Variants in KRTAP10-9 observed in about 807,000 individuals in gnomAD.
KRTAP10-9 encodes the protein keratin-associated protein 10-9.
A neutral mutation model predicts 0.5 loss-of-function variants in KRTAP10-9; 1 was observed. The ratio of observed to expected loss-of-function variants is 1.92; its 90% confidence interval spans 0.68 to 9.09. The LOEUF (loss-of-function observed/expected upper bound fraction) is 9.09. Ranked by LOEUF, KRTAP10-9 falls within the 30% of genes most tolerant of loss-of-function variation. The pLI is 0.13. For missense variants in KRTAP10-9, 391 were observed against 376.4 expected, an observed-to-expected ratio of 1.04 and a Z score of -0.32; for synonymous variants, 199 against 159.8, an observed-to-expected ratio of 1.25 and a Z score of -1.85.
rs1555934846 is a variant in KRTAP10-9, at chr21:44,627,815, G to A, written c.644G>A (p.Cys215Tyr). Residue 215 changes from cysteine (C) to tyrosine (Y), a missense_variant, in exon 1 of 1, where the codon TGC (cysteine) becomes TAC (tyrosine). Cys to Tyr is a radical substitution (Grantham distance 194). Coordinates refer to ENST00000397911, the MANE Select transcript of KRTAP10-9 (RefSeq NM_198690.3). Reference protein sequence around the residue: ...ASSLCCQQSGCQPACCTTSCC... With the variant: ...ASSLCCQQSGYQPACCTTSCC... ...TCTTTGTGCTGCCAGCAGTCTGGCT[G>A]CCAGCCGGCTTGCTGCACCACCTCC... 6.2e-7 allele frequency: 1 copy of A among 1,611,046 alleles called. No individual in the cohort carries two copies. The highest frequency in any genetic ancestry group is 1.3e-5 in the African/African-American group (1 of 74,794).
In KRTAP10-9 at chr21:44,627,921, C is replaced by T. The variant is rs781984837; in HGVS notation, c.750C>T (p.Cys250=). 2.2e-5 allele frequency: 33 copies of T among 1,520,060 alleles called. 1 individual carries two copies. The East Asian group carries it at 5.3e-4, about 24-fold the overall frequency. The allele number at this position is 1,520,060 out of a possible 1,614,324, so 94.2% of individuals were successfully genotyped here. The change falls in exon 1 of 1, where the codon TGC becomes TGT. Residue 250 remains cysteine, a synonymous_variant. Transcript: ENST00000397911. ...RPACCVPVSS[C]CAPTSSRQPS... is the part of the protein sequence containing the mutation. ...CCTGCTGCGTGCCCGTCTCCTCCTG[C>T]TGTGCCCCCACCTCCTCCCGCCAGC... is the stretch of plus-strand genomic sequence containing the variant.
Position 44,627,108 on chromosome 21 carries a change from C to T in KRTAP10-9, c.-64C>T, listed in dbSNP as rs937417455. The T allele has an allele frequency of 1.9e-6, 3 of 1,575,612 alleles. No individual in the cohort carries two copies. Among genetic ancestry groups the T allele is most frequent in the South Asian group, 2.4e-5 (2 of 83,908 alleles). ...CAAGAACCTCACACACTCACAAACT[C>T]ACTCACTGACACACTCACACACTCA... On this transcript the variant is annotated 5_prime_UTR_variant, in exon 1 of 1. Coordinates refer to ENST00000397911, the MANE Select transcript of KRTAP10-9 (RefSeq NM_198690.3).
In KRTAP10-9 at chr21:44,627,887, G is replaced by T; in HGVS notation, c.716G>T (p.Cys239Phe). The T allele has an allele frequency of 6.2e-7, 1 of 1,612,978 alleles. No individual in the cohort carries two copies. Among genetic ancestry groups the T allele is most frequent in the Middle Eastern group, 1.7e-4 (1 of 6,048 alleles). Residue 239 changes from cysteine to phenylalanine, a missense_variant, in exon 1 of 1, where the codon TGC becomes TTC. Cys to Phe is a radical substitution (Grantham distance 205). Coordinates refer to ENST00000397911, the MANE Select transcript of KRTAP10-9 (RefSeq NM_198690.3). ...GTGTCCCTCCTCTGCCGCCCTGTGT[G>T]CAGGCCCGCCTGCTGCGTGCCCGTC... ...SSVSLLCRPV[C>F]RPACCVPVSS...
In KRTAP10-9 at chr21:44,627,296, G is replaced by C. The variant is rs368290603; in HGVS notation, c.125G>C (p.Cys42Ser). The change falls in exon 1 of 1, where the codon TGC becomes TCC. Residue 42 changes from cysteine (C) to serine (S), a missense_variant. Transcript: ENST00000397911. ...CATSCCAPAP[C>S]LTLVCTPVSR... Reference sequence around the variant, plus strand: ...ACCAGCTGCTGCGCCCCGGCCCCCTGCCTGACCCTGGTCTGCACCCCAGTG... The same window carrying C: ...ACCAGCTGCTGCGCCCCGGCCCCCTCCCTGACCCTGGTCTGCACCCCAGTG... The C allele has an allele frequency of 2.7e-5, 43 of 1,612,478 alleles. No homozygotes were observed. Among genetic ancestry groups the C allele is most frequent in the East Asian group, 2.0e-4 (9 of 44,880 alleles).
In KRTAP10-9 at chr21:44,628,204, C is replaced by T. The variant is rs2146204909; in HGVS notation, c.*154C>T. On this transcript the variant is annotated 3_prime_UTR_variant, in exon 1 of 1. Transcript: ENST00000397911. ...CGGGGTCTCAGATGCTCACTGGCTC[C>T]TCCCTGACCTCCCCCCCGGGCAGGC... 8.4e-6 allele frequency: 7 copies of T among 836,914 alleles called. No individual in the cohort carries two copies. Among genetic ancestry groups the T allele is most frequent in the East Asian group, 8.2e-5 (3 of 36,564 alleles). 51.8% of individuals were successfully genotyped at this position (836,914 alleles called of 1,614,324 possible).
Position 44,627,520 on chromosome 21 carries a change from G to A in KRTAP10-9, c.349G>A (p.Ala117Thr). 6.5e-7 allele frequency: 1 copy of A among 1,534,620 alleles called. No homozygotes were observed. The highest frequency in any genetic ancestry group is 8.8e-7 in the Non-Finnish European group (1 of 1,140,232). ...PVCCVPVCCGASSCCQQSSYQ... is the reference protein window; with the variant it reads ...PVCCVPVCCGTSSCCQQSSYQ... Reference sequence around the variant, plus strand: ...GTGCTGCGTGCCCGTCTGCTGTGGGGCTTCTTCGTGCTGCCAACAGTCTAG... The same window carrying A: ...GTGCTGCGTGCCCGTCTGCTGTGGGACTTCTTCGTGCTGCCAACAGTCTAG... The change falls in exon 1 of 1, where the codon GCT becomes ACT. Residue 117 changes from alanine (A) to threonine (T), a missense_variant. Physicochemically the swap from Ala to Thr is moderately conservative, Grantham distance 58. Coordinates refer to ENST00000397911, the MANE Select transcript of KRTAP10-9 (RefSeq NM_198690.3).
In KRTAP10-9 at chr21:44,627,515, G is replaced by A. The variant is rs372313452; in HGVS notation, c.344G>A (p.Cys115Tyr). 2.7e-5 allele frequency: 42 copies of A among 1,532,546 alleles called. No homozygotes were observed. Among genetic ancestry groups the A allele is most frequent in the Non-Finnish European group, 3.6e-5 (41 of 1,139,334 alleles). 94.9% of individuals were successfully genotyped at this position (1,532,546 alleles called of 1,614,324 possible). A position where few individuals can be genotyped will look rare whatever the true frequency, so the allele number is the denominator to read the frequency against. The change falls in exon 1 of 1, where the codon TGT becomes TAT. Residue 115 changes from cysteine to tyrosine, a missense_variant. By Grantham distance (194) the Cys-to-Tyr change is radical (BLOSUM62 -2). Coordinates refer to ENST00000397911, the MANE Select transcript of KRTAP10-9 (RefSeq NM_198690.3). ...CCTGTGTGCTGCGTGCCCGTCTGCT[G>A]TGGGGCTTCTTCGTGCTGCCAACAG... is the stretch of plus-strand genomic sequence containing the variant. ...CKPVCCVPVC[C>Y]GASSCCQQSS...
chr21:44,627,443 C>G lies in KRTAP10-9; in HGVS notation c.272C>G (p.Thr91Ser). Residue 91 changes from threonine (T) to serine (S), a missense_variant, in exon 1 of 1, where the codon ACC becomes AGC. Coordinates refer to ENST00000397911, the MANE Select transcript of KRTAP10-9 (RefSeq NM_198690.3). ...QQSSCQPAYCTSSPCQQACCV... is the reference protein window; with the variant it reads ...QQSSCQPAYCSSSPCQQACCV... The stretch of plus-strand genomic sequence containing the variant: ...TCTAGCTGCCAGCCGGCTTACTGCA[C>G]CTCCTCCCCCTGCCAGCAGGCCTGC... The G allele has an allele frequency of 6.2e-7, 1 of 1,613,660 alleles. No homozygotes were observed.
chr21:44,627,793 T>C lies in KRTAP10-9; in HGVS notation c.622T>C (p.Leu208=), dbSNP rs8131142. The C allele has an allele frequency of 0.67, 1,081,629 of 1,613,712 alleles. 363,908 individuals are homozygous for C. Among genetic ancestry groups the C allele is most frequent in the Admixed American group, 0.72 (43,226 of 59,992 alleles). The stretch of plus-strand genomic sequence containing the variant: ...GCCTGTCTGCTCTGGGGCTTCCTCT[T>C]TGTGCTGCCAGCAGTCTGGCTGCCA... ...CVPVCSGASS[L]CCQQSGCQPA... is the part of the protein sequence containing the mutation. The change falls in exon 1 of 1, where the codon TTG becomes CTG. Residue 208 remains leucine, a synonymous_variant. Coordinates refer to ENST00000397911, the MANE Select transcript of KRTAP10-9 (RefSeq NM_198690.3).
At position 44,627,569 on chromosome 21, in the gene KRTAP10-9, C is replaced by T. The variant is rs781975592; in HGVS notation, c.398C>T (p.Ser133Phe). ...QSSYQPACCA[S>F]SSCQPACCVP... Reference sequence around the variant, plus strand: ...AGCTACCAGCCAGCTTGCTGTGCCTCTTCCTCCTGCCAGCCGGCCTGCTGT... The same window carrying T: ...AGCTACCAGCCAGCTTGCTGTGCCTTTTCCTCCTGCCAGCCGGCCTGCTGT... Residue 133 changes from serine (S) to phenylalanine (F), a missense_variant, in exon 1 of 1, where the codon TCT becomes TTT. Ser to Phe is a radical substitution (Grantham distance 155). Coordinates refer to ENST00000397911, the MANE Select transcript of KRTAP10-9 (RefSeq NM_198690.3). 17 of 1,613,350 alleles carry T rather than the reference C, an allele frequency of 1.1e-5. No individual in the cohort carries two copies. Among genetic ancestry groups the T allele is most frequent in the East Asian group, 2.2e-5 (1 of 44,870 alleles).
rs1165799895 is a variant in KRTAP10-9, at chr21:44,627,870, C to T, written c.699C>T (p.Leu233=). 2.5e-6 allele frequency: 4 copies of T among 1,613,618 alleles called. No homozygotes were observed. The highest frequency in any genetic ancestry group is 3.4e-6 in the Non-Finnish European group (4 of 1,179,726). Residue 233 remains leucine (L), a synonymous_variant, in exon 1 of 1, where the codon CTC becomes CTT. Coordinates refer to ENST00000397911, the MANE Select transcript of KRTAP10-9 (RefSeq NM_198690.3). ...GCAGACCCTCCTCCTCTGTGTCCCT[C>T]CTCTGCCGCCCTGTGTGCAGGCCCG... ...SCCRPSSSVS[L]LCRPVCRPAC...
rs1982936186 is a variant in KRTAP10-9 at position 44,627,683 on chromosome 21, C to T, written c.512C>T (p.Ala171Val). Residue 171 changes from alanine (A) to valine (V), a missense_variant, in exon 1 of 1, where the codon GCT becomes GTT. Coordinates refer to ENST00000397911, the MANE Select transcript of KRTAP10-9 (RefSeq NM_198690.3). ...SCCQQSSCQP[A>V]CCTSSPCQQS... Reference sequence around the variant, plus strand: ...TGCCAACAGTCTAGCTGCCAGCCAGCTTGCTGCACTTCCTCCCCCTGCCAG... The same window carrying T: ...TGCCAACAGTCTAGCTGCCAGCCAGTTTGCTGCACTTCCTCCCCCTGCCAG... 6.2e-7 allele frequency: 1 copy of T among 1,603,510 alleles called. No individual in the cohort carries two copies. Among genetic ancestry groups the T allele is most frequent in the Non-Finnish European group, 8.5e-7 (1 of 1,174,196 alleles).
chr21:44,628,052 G>C lies in KRTAP10-9; in HGVS notation c.*2G>C, dbSNP rs376402427. 6.2e-7 allele frequency: 1 copy of C among 1,610,038 alleles called. No homozygotes were observed. The highest frequency in any genetic ancestry group is 8.5e-7 in the Non-Finnish European group (1 of 1,177,632). Reference sequence around the variant, plus strand: ...TCAGGCCAGAAGTCCAGCTGCTGACGGTCATGTCCCCCAGGGCCAGCCGGG... The same window carrying C: ...TCAGGCCAGAAGTCCAGCTGCTGACCGTCATGTCCCCCAGGGCCAGCCGGG... On this transcript the variant is annotated 3_prime_UTR_variant, in exon 1 of 1. Transcript: ENST00000397911.
In KRTAP10-9 at chr21:44,627,213, C is replaced by A. The variant is rs757126820; in HGVS notation, c.42C>A (p.Ser14=). Residue 14 remains serine (S), a synonymous_variant, in exon 1 of 1, where the codon TCC becomes TCA. Coordinates refer to ENST00000397911, the MANE Select transcript of KRTAP10-9 (RefSeq NM_198690.3). ...TGTCCATCCGCTCCAGCGCTTACTC[C>A]GACTCCTGGCAGGTGGACGACTGCC... The part of the protein sequence containing the change: ...STMSIRSSAY[S]DSWQVDDCPE... 10 of 1,612,896 alleles carry A rather than the reference C, an allele frequency of 6.2e-6. No homozygotes were observed. The highest frequency in any genetic ancestry group is 1.7e-5 in the Admixed American group (1 of 60,004).
At position 44,627,835 on chromosome 21, in the gene KRTAP10-9, A is replaced by T. The variant is rs782233032; in HGVS notation, c.664A>T (p.Thr222Ser). 8.1e-6 allele frequency: 13 copies of T among 1,610,446 alleles called. No individual in the cohort carries two copies. Among genetic ancestry groups the T allele is most frequent in the South Asian group, 4.4e-5 (4 of 90,932 alleles). Reference protein sequence around the residue: ...QSGCQPACCTTSCCRPSSSVS... With the variant: ...QSGCQPACCTSSCCRPSSSVS... ...TGGCTGCCAGCCGGCTTGCTGCACC[A>T]CCTCCTGCTGCAGACCCTCCTCCTC... is the stretch of plus-strand genomic sequence containing the variant. Residue 222 changes from threonine (T) to serine (S), a missense_variant, in exon 1 of 1, where the codon ACC (threonine) becomes TCC (serine). Coordinates refer to ENST00000397911, the MANE Select transcript of KRTAP10-9 (RefSeq NM_198690.3).
Position 44,627,615 on chromosome 21 carries a change from T to C in KRTAP10-9, c.444T>C (p.Pro148=), listed in dbSNP as rs1479381263. The C allele has an allele frequency of 5.0e-6, 8 of 1,611,866 alleles. No individual in the cohort carries two copies. The Admixed American group carries it at 1.3e-4, about 27-fold the overall frequency. The change falls in exon 1 of 1, where the codon CCT becomes CCC. Residue 148 remains proline (P), a synonymous_variant. Transcript: ENST00000397911. ...GCTGTGTGCCCGTCTGCTGCAAACC[T>C]GTGTGCTGTGCGCCCACCTGCTCTG... is the stretch of plus-strand genomic sequence containing the variant. ...PACCVPVCCK[P]VCCAPTCSED...
Position 44,627,907 on chromosome 21 carries a change from C to A in KRTAP10-9, c.736C>A (p.Pro246Thr). The stretch of plus-strand genomic sequence containing the variant: ...TGTGTGCAGGCCCGCCTGCTGCGTG[C>A]CCGTCTCCTCCTGCTGTGCCCCCAC... ...RPVCRPACCV[P>T]VSSCCAPTSS... Residue 246 changes from proline (P) to threonine (T), a missense_variant, in exon 1 of 1, where the codon CCC becomes ACC. Pro to Thr is a conservative substitution (Grantham distance 38). Coordinates refer to ENST00000397911, the MANE Select transcript of KRTAP10-9 (RefSeq NM_198690.3). 1 of 1,520,568 alleles carries A rather than the reference C, an allele frequency of 6.6e-7. No homozygotes were observed. Among genetic ancestry groups the A allele is most frequent in the African/African-American group, 1.4e-5 (1 of 72,566 alleles). 94.2% of individuals were successfully genotyped at this position (1,520,568 alleles called of 1,614,324 possible). A position where few individuals can be genotyped will look rare whatever the true frequency, so the allele number is the denominator to read the frequency against.
chr21:44,627,221 G>A (rs1982861615), exon 1 of KRTAP10-9: 1 of 1,612,730 alleles, frequency 6.2e-7, no homozygotes, highest in Non-Finnish European at 8.5e-7. Flanking sequence ...TCCGACTCCT[G>A]GCAGGTGGAC....
rs1424867168 is a variant in KRTAP10-9, at chr21:44,627,871, C to T, written c.700C>T (p.Leu234Phe). The T allele has an allele frequency of 5.0e-6, 8 of 1,612,448 alleles. No homozygotes were observed. In the African/African-American group the frequency reaches 8.0e-5, roughly 16 times the overall value. Residue 234 changes from leucine (L) to phenylalanine (F), a missense_variant, in exon 1 of 1, where the codon CTC becomes TTC. By Grantham distance (22) the Leu-to-Phe change is conservative. Coordinates refer to ENST00000397911, the MANE Select transcript of KRTAP10-9 (RefSeq NM_198690.3). Reference protein sequence around the residue: ...CCRPSSSVSLLCRPVCRPACC... With the variant: ...CCRPSSSVSLFCRPVCRPACC... Reference sequence around the variant, plus strand: ...CAGACCCTCCTCCTCTGTGTCCCTCCTCTGCCGCCCTGTGTGCAGGCCCGC... The same window carrying T: ...CAGACCCTCCTCCTCTGTGTCCCTCTTCTGCCGCCCTGTGTGCAGGCCCGC...
Sources: gnomAD v4.1 joint callset for allele counts on GRCh38, gnomAD v4.1.1 for gene constraint, MANE v1.5 for transcripts, NCBI Gene and HGNC (gene_info 2026-07-23, HGNC 2026-07-21) for gene names.